CAMK1D: variants seen among roughly 807,000 people sequenced by gnomAD.
CAMK1D encodes calcium/calmodulin-dependent protein kinase type 1D.
In CAMK1D, 9 loss-of-function variants were observed where a neutral mutation model predicts 47.7. That is an observed-to-expected ratio of 0.19 (90% CI 0.11 to 0.33). The LOEUF is 0.33. Ranked by LOEUF, CAMK1D falls within the 10% of genes least tolerant of loss-of-function variation. CAMK1D has a pLI of 1.00. For missense variants in CAMK1D, 291 were observed against 488.7 expected (o/e 0.60, Z 3.81); for synonymous variants, 184 against 184.9 (o/e 0.99, Z 0.04).
At chr10:12,525,824 C>G (rs969520405) in intron 1 of CAMK1D, among the ~76,000 whole-genome samples, 5 of 152,128 alleles carry the variant, frequency 3.3e-5, no homozygotes, top group African/African-American at 9.7e-5. Context: ...GTGGCGTGAT[C>G]TCCGCTCAGT....
intron 3 of CAMK1D, among the ~76,000 whole-genome samples, chr10:12,685,346 C>G (rs1832617622): frequency 6.6e-6 from 1 of 152,184 alleles, no homozygotes; most frequent in Non-Finnish European, 1.5e-5. Context: ...CTCTGCTGTA[C>G]TAGAACCTTT....
intron 3 of CAMK1D, among the ~76,000 whole-genome samples, chr10:12,756,753 C>T (rs762081070): frequency 6.6e-6 from 1 of 152,038 alleles, no homozygotes; most frequent in Non-Finnish European, 1.5e-5. Flanking sequence ...GGTGAAACCC[C>T]GTCTCTACTA....
rs141777785 is a variant in CAMK1D, at chr10:12,560,264, G to A, written c.224+6908G>A. Among the ~76,000 whole-genome samples, 444 of 152,134 alleles carry A rather than the reference G, an allele frequency of 2.9e-3. 10 individuals are homozygous for A. Among genetic ancestry groups the A allele is most frequent in the Admixed American group, 0.019 (295 of 15,262 alleles). ...ACTGACACTTCAATAGAAATTCATC[G>A]ATTGGGGTCCGGGCGCGGTGGCTCA... On this transcript the variant is annotated intron_variant, in intron 2 of 10. Coordinates refer to ENST00000619168, the MANE Select transcript of CAMK1D (RefSeq NM_153498.4).
At chr10:12,759,531 G>A (rs993991545) in intron 3 of CAMK1D, among the ~76,000 whole-genome samples, 1 of 152,110 alleles carries the variant, frequency 6.6e-6, no homozygotes, top group South Asian at 2.1e-4. Context: ...GAGTATCTTG[G>A]GCTCTTGGCT....
chr10:12,525,469 A>C (rs766799952), intron 1 of CAMK1D, among the ~76,000 whole-genome samples: 24 of 151,990 alleles, frequency 1.6e-4, no homozygotes, highest in Non-Finnish European at 2.9e-4. Context: ...TTCCAGTTTG[A>C]GTCATTTTGT....
chr10:12,829,018 GT>G lies in CAMK1D; in HGVS notation c.*138del, dbSNP rs968419738. Reference sequence around the variant, plus strand: ...TCCTGCATAGGACTGGAAGACCGAAGTTTTTTTATGGCCATATTTTCTACTG... The same window carrying G: ...TCCTGCATAGGACTGGAAGACCGAAGTTTTTTATGGCCATATTTTCTACTG... On this transcript the variant is annotated 3_prime_UTR_variant, in exon 11 of 11. Coordinates refer to ENST00000619168, the MANE Select transcript of CAMK1D (RefSeq NM_153498.4). 8 of 615,288 alleles carry G rather than the reference GT, an allele frequency of 1.3e-5. No individual in the cohort carries two copies. Among genetic ancestry groups the G allele is most frequent in the Non-Finnish European group, 1.7e-5 (6 of 359,986 alleles). The allele number at this position is 615,288 out of a possible 1,614,324, so 38.1% of individuals were successfully genotyped here. A position where few individuals can be genotyped will look rare whatever the true frequency, so the allele number is the denominator to read the frequency against.
intron 2 of CAMK1D, among the ~76,000 whole-genome samples, chr10:12,582,500 C>T (rs1837691696): frequency 6.6e-6 from 1 of 152,142 alleles, no homozygotes; most frequent in Non-Finnish European, 1.5e-5. Context: ...TCTACCTATC[C>T]ATGAGCATGG....
intron 2 of CAMK1D, among the ~76,000 whole-genome samples, chr10:12,666,231 C>A (rs1334534248): frequency 2.0e-5 from 3 of 151,636 alleles, no homozygotes; most frequent in Non-Finnish European, 4.4e-5. Context: ...TTTTTCCTTA[C>A]ACTGGACCCA....
At chr10:12,573,461 T>A (rs577652068) in intron 2 of CAMK1D, among the ~76,000 whole-genome samples, 56 of 152,324 alleles carry the variant, frequency 3.7e-4, no homozygotes, top group South Asian at 1.5e-3. Flanking sequence ...GACATCATCA[T>A]CGTCTAGATA....
intron 2 of CAMK1D, among the ~76,000 whole-genome samples, chr10:12,628,242 G>A (rs1839282026): frequency 6.6e-6 from 1 of 152,102 alleles, no homozygotes; most frequent in Non-Finnish European, 1.5e-5. Flanking sequence ...TGGGTAATTT[G>A]GCACATATGT....
intron 2 of CAMK1D, among the ~76,000 whole-genome samples, chr10:12,565,401 C>T (rs1215200459): frequency 6.6e-6 from 1 of 152,116 alleles, no homozygotes; most frequent in Non-Finnish European, 1.5e-5. Flanking sequence ...TTACAGGTGC[C>T]TGCCACCATG....
chr10:12,553,155 A>G, intron 1 of CAMK1D, 70 bp from the exon 2 acceptor site: 1 of 1,604,614 alleles, frequency 6.2e-7, no homozygotes, highest in Non-Finnish European at 8.5e-7. Context: ...CTTCGGTGGT[A>G]GGGTGAATGG....
At chr10:12,435,685 G>T (rs1214880543) in intron 1 of CAMK1D, among the ~76,000 whole-genome samples, 1 of 152,118 alleles carries the variant, frequency 6.6e-6, no homozygotes, top group Admixed American at 6.5e-5. Context: ...ATTCCAACAA[G>T]ACCTCTTTTG....
At chr10:12,443,626 T>C (rs1366101052) in intron 1 of CAMK1D, among the ~76,000 whole-genome samples, 1 of 151,912 alleles carries the variant, frequency 6.6e-6, no homozygotes, top group Non-Finnish European at 1.5e-5. Context: ...TCCTATTTTA[T>C]TTTATTTTTT....
intron 3 of CAMK1D, among the ~76,000 whole-genome samples, chr10:12,715,693 C>CT (rs936309463): frequency 6.8e-6 from 1 of 146,612 alleles, no homozygotes; most frequent in African/African-American, 2.5e-5. Context: ...ATACTTGGAT[C>CT]TCGGGGGGAG....
At chr10:12,644,368 C>A (rs1839757900) in intron 2 of CAMK1D, among the ~76,000 whole-genome samples, 1 of 152,150 alleles carries the variant, frequency 6.6e-6, no homozygotes, top group African/African-American at 2.4e-5. Flanking sequence ...AGTGACTAAG[C>A]CTTTGACACC....
At chr10:12,471,958 C>T (rs1254350917) in intron 1 of CAMK1D, among the ~76,000 whole-genome samples, 1 of 151,198 alleles carries the variant, frequency 6.6e-6, no homozygotes, top group Non-Finnish European at 1.5e-5. Flanking sequence ...TCACTTGAGC[C>T]CAGGAATTTG....
At chr10:12,804,971 A>T (rs1838658709) in intron 6 of CAMK1D, among the ~76,000 whole-genome samples, 1 of 151,386 alleles carries the variant, frequency 6.6e-6, no homozygotes, top group Non-Finnish European at 1.5e-5. Context: ...GATACAAAAA[A>T]AATACTAGGC....
chr10:12,360,718 C>T (rs1365187786), intron 1 of CAMK1D, among the ~76,000 whole-genome samples: 2 of 152,102 alleles, frequency 1.3e-5, no homozygotes, highest in African/African-American at 4.8e-5. Flanking sequence ...GAGTTGAGGG[C>T]TGAGTGAGGC....
Sources: gnomAD v4.1 joint callset for allele counts (sites outside exome capture counted in the v4.1 genomes callset) on GRCh38, gnomAD v4.1.1 for gene constraint, MANE v1.5 for transcripts, NCBI Gene and HGNC (gene_info 2026-07-23, HGNC 2026-07-21) for gene names.